Variants in UNC13B observed in about 807,000 individuals in gnomAD.
UNC13B encodes unc-13 homolog B.
In UNC13B, 144 loss-of-function variants were observed where a neutral mutation model predicts 211.0. That is an observed-to-expected ratio of 0.68 (90% CI 0.60 to 0.78). UNC13B has a LOEUF of 0.78. Among genes scored for constraint, UNC13B ranks in the 30% least tolerant of loss-of-function variants. The pLI, the probability that UNC13B is intolerant of heterozygous loss-of-function variation, is 0.00. For synonymous variants in UNC13B, 709 were observed against 725.8 expected, an observed-to-expected ratio of 0.98 and a Z score of 0.37; for missense variants, 1,777 against 2,002.0, an observed-to-expected ratio of 0.89 and a Z score of 2.14.
intron 11 of UNC13B, among the ~76,000 whole-genome samples, chr9:35,366,054 C>G (rs1833751311): frequency 6.6e-6 from 1 of 152,168 alleles, no homozygotes; most frequent in South Asian, 2.1e-4. Flanking sequence ...ATTCTGCCTC[C>G]CTTCTGGAGC....
Position 35,396,905 on chromosome 9 carries a change from C to T in UNC13B, c.11500C>T (p.Arg3834Cys), listed in dbSNP as rs534059326. The change falls in exon 28 of 40, where the codon CGT becomes TGT. Residue 3834 changes from arginine (R) to cysteine (C), a missense_variant. Arg to Cys is a radical substitution (Grantham distance 180). Transcript: ENST00000635942. Reference protein sequence around the residue: ...ENEDVSLEFLRGALERDKKDG... With the variant: ...ENEDVSLEFLCGALERDKKDG... ...TGAGGATGTATCCCTGGAATTCCTGCGTGGGGCCCTGGAACGAGATAAGAA... is the reference window on the plus strand; with the variant it reads ...TGAGGATGTATCCCTGGAATTCCTGTGTGGGGCCCTGGAACGAGATAAGAA... The T allele has an allele frequency of 5.1e-5, 83 of 1,614,084 alleles. No individual in the cohort carries two copies. In the Middle Eastern group the frequency reaches 6.6e-4, roughly 13 times the overall value.
At chr9:35,192,539 T>A (rs1394109703) in intron 1 of UNC13B, among the ~76,000 whole-genome samples, 3 of 152,138 alleles carry the variant, frequency 2.0e-5, no homozygotes, top group Non-Finnish European at 4.4e-5. Flanking sequence ...TTGGCCTAAG[T>A]CTCCCTTTAT....
chr9:35,382,470 T>C lies in UNC13B; in HGVS notation c.10769T>C (p.Val3590Ala), dbSNP rs755806612. The C allele has an allele frequency of 2.9e-5, 47 of 1,614,004 alleles. No individual in the cohort carries two copies. The highest frequency in any genetic ancestry group is 1.6e-4 in the Middle Eastern group (1 of 6,082). ...YYAHTTASTNVSASDRFAASN... is the reference protein window; with the variant it reads ...YYAHTTASTNASASDRFAASN... ...GCCCACACAACTGCCTCTACCAATG[T>C]CTCTGCATCTGATCGCTTTGCAGCC... The change falls in exon 21 of 40, where the codon GTC becomes GCC. Residue 3590 changes from valine to alanine, a missense_variant. Transcript: ENST00000635942.
intron 11 of UNC13B, among the ~76,000 whole-genome samples, chr9:35,332,248 C>A (rs1831416240): frequency 6.6e-6 from 1 of 152,188 alleles, no homozygotes; most frequent in Admixed American, 6.5e-5. Context: ...CTGCACCCAG[C>A]CTCCCAACTA....
Position 35,228,736 on chromosome 9 carries a change from G to A in UNC13B, c.52+692G>A, listed in dbSNP as rs1002662463. 6.5e-3 allele frequency among the ~76,000 whole-genome samples: 961 copies of A among 148,290 alleles called. 9 individuals carry two copies. The highest frequency in any genetic ancestry group is 9.5e-3 in the Non-Finnish European group (640 of 67,640). ...TGTGTGTGTGTGTGTGTGTGTGTGT[G>A]TGTGTGTGTGTGTATGTGTGTGTCT... On this transcript the variant is annotated intron_variant, in intron 2 of 39. Coordinates refer to ENST00000635942, the MANE Select transcript of UNC13B (RefSeq NM_001371189.2).
At chr9:35,219,884 A>C (rs1824476799) in intron 1 of UNC13B, among the ~76,000 whole-genome samples, 1 of 152,188 alleles carries the variant, frequency 6.6e-6, no homozygotes, top group South Asian at 2.1e-4. Flanking sequence ...TTATTATTCT[A>C]AAATGTGTGC....
chr9:35,254,170 T>C (rs957203781), intron 6 of UNC13B, among the ~76,000 whole-genome samples: 1 of 152,208 alleles, frequency 6.6e-6, no homozygotes, highest in Non-Finnish European at 1.5e-5. Flanking sequence ...GCAAGAAATA[T>C]AATAAATATA....
At chr9:35,289,158 G>A (rs1375797967) in intron 7 of UNC13B, among the ~76,000 whole-genome samples, 1 of 152,182 alleles carries the variant, frequency 6.6e-6, no homozygotes, top group African/African-American at 2.4e-5. Flanking sequence ...GAAGAAAATT[G>A]GCTGTCAGGG....
chr9:35,206,883 A>C (rs909468710), intron 1 of UNC13B, among the ~76,000 whole-genome samples: 1 of 151,912 alleles, frequency 6.6e-6, no homozygotes, highest in Non-Finnish European at 1.5e-5. Context: ...AAAAAAAAAA[A>C]AAAAAAACAC....
rs1360536303 is a variant in UNC13B, at chr9:35,380,612, G to A, written c.10348G>A (p.Gly3450Ser). The A allele has an allele frequency of 6.2e-7, 1 of 1,614,222 alleles. No individual in the cohort carries two copies. Among genetic ancestry groups the A allele is most frequent in the Admixed American group, 1.7e-5 (1 of 60,030 alleles). Residue 3450 changes from glycine to serine, a missense_variant, in exon 18 of 40, where the codon GGC becomes AGC. Coordinates refer to ENST00000635942, the MANE Select transcript of UNC13B (RefSeq NM_001371189.2). Reference protein sequence around the residue: ...QTIIEVRTLSGEMDVWYNLEK... With the variant: ...QTIIEVRTLSSEMDVWYNLEK... ...CATCATTGAGGTTCGGACCCTAAGT[G>A]GCGAGATGGACGTCTGGTACAACTT...
intron 1 of UNC13B, among the ~76,000 whole-genome samples, chr9:35,164,151 G>C (rs1025735886): frequency 6.6e-6 from 1 of 152,152 alleles, no homozygotes; most frequent in African/African-American, 2.4e-5. Context: ...CGAGCAGCTG[G>C]AATTACAGGA....
intron 22 of UNC13B, 102 bp downstream of exon 22, chr9:35,384,416 TG>T (rs1245296425): frequency 6.0e-6 from 9 of 1,512,478 alleles, no homozygotes; most frequent in Non-Finnish European, 7.1e-6. Flanking sequence ...CAGGGAAAAC[TG>T]GTCTGTGTCA....
In UNC13B at chr9:35,209,669, G is replaced by A. The variant is rs548639719; in HGVS notation, c.23-18346G>A. Among the ~76,000 whole-genome samples the A allele has an allele frequency of 4.6e-5, 7 of 152,282 alleles. No individual in the cohort carries two copies. The East Asian group carries it at 1.4e-3, about 29-fold the overall frequency. ...CTGGGATTTTAGGCATGGGCCACAC[G>A]CCCAGCCAAATGAGGAATCTTGAGA... On this transcript the variant is annotated intron_variant, in intron 1 of 39. Transcript: ENST00000635942.
At chr9:35,272,430 G>T (rs1250401882) in intron 7 of UNC13B, among the ~76,000 whole-genome samples, 1 of 151,626 alleles carries the variant, frequency 6.6e-6, no homozygotes, top group Non-Finnish European at 1.5e-5. Flanking sequence ...GCTAATTTTT[G>T]TATTTTTAGT....
chr9:35,332,197 G>A (rs1002629102), intron 11 of UNC13B, among the ~76,000 whole-genome samples: 4 of 151,982 alleles, frequency 2.6e-5, no homozygotes, highest in Admixed American at 6.6e-5. Context: ...TAATCCACCC[G>A]CCTCGGCCTC....
intron 6 of UNC13B, among the ~76,000 whole-genome samples, chr9:35,257,021 C>G (rs1446836780): frequency 6.6e-6 from 1 of 151,982 alleles, no homozygotes; most frequent in Non-Finnish European, 1.5e-5. Context: ...TCTCTTAGGT[C>G]TGCATTCTTC....
At chr9:35,254,942 ATATATG>A (rs1287404922) in intron 6 of UNC13B, among the ~76,000 whole-genome samples, 15 of 121,894 alleles carry the variant, frequency 1.2e-4, no homozygotes, top group African/African-American at 4.5e-4. Context: ...ATATATATTA[ATATATG>A]TATATAATAT....
In UNC13B at chr9:35,301,892, T is replaced by C; in HGVS notation, c.2488T>C (p.Leu830=). 2.5e-6 allele frequency: 1 copy of C among 398,804 alleles called. No homozygotes were observed. Among genetic ancestry groups the C allele is most frequent in the Non-Finnish European group, 4.4e-6 (1 of 225,886 alleles). The allele number at this position is 398,804 out of a possible 1,614,324, so 24.7% of individuals were successfully genotyped here. A position where few individuals can be genotyped will look rare whatever the true frequency, so the allele number is the denominator to read the frequency against. Residue 830 remains leucine, a synonymous_variant, in exon 9 of 40, where the codon TTG becomes CTG. Transcript: ENST00000635942. ...CCCTGAGACTTGTTCAAAGGAAAGT[T>C]TGTCAGAACCTGTGAAAATTCGCCA... is the stretch of plus-strand genomic sequence containing the variant. The part of the protein sequence containing the change: ...TSPETCSKES[L]SEPVKIRQVE...
chr9:35,356,493 A>C (rs1358789974), intron 11 of UNC13B, among the ~76,000 whole-genome samples: 1 of 152,030 alleles, frequency 6.6e-6, no homozygotes, highest in Non-Finnish European at 1.5e-5. Context: ...GGGCCATTAG[A>C]TGTCCACCAT....
Sources: allele counts gnomAD v4.1 joint callset (sites outside exome capture counted in the v4.1 genomes callset), GRCh38; gene constraint gnomAD v4.1.1; transcripts MANE v1.5; gene names NCBI Gene and HGNC (gene_info 2026-07-23, HGNC 2026-07-21).